The following GALR1 variants were observed in gnomAD, a reference collection of about 807,000 sequenced individuals.
The protein encoded by GALR1 is galanin receptor 1.
GALR1 carries 11 observed loss-of-function variants against 17.9 expected under a neutral mutation model. The observed-to-expected ratio is 0.62, with a 90% CI of 0.39 to 1.02. The LOEUF (loss-of-function observed/expected upper bound fraction) is 1.02. Ranked by LOEUF, GALR1 falls within the 50% of genes least tolerant of loss-of-function variation. The probability of loss-of-function intolerance (pLI) is 0.01; values close to 1 mark genes in which losing one functional copy is unlikely to be tolerated. For missense variants in GALR1, 441 were observed against 456.9 expected (o/e 0.97, Z 0.32); for synonymous variants, 206 against 205.7 (o/e 1.00, Z -0.01).
rs1279740157 is a variant in GALR1 at position 77,250,528 on chromosome 18, G to T, written c.-21G>T. 6.2e-6 allele frequency: 9 copies of T among 1,455,676 alleles called. No homozygotes were observed. In the East Asian group the frequency reaches 1.0e-4, roughly 17 times the overall value. The allele number at this position is 1,455,676 out of a possible 1,614,324, so 90.2% of individuals were successfully genotyped here. On this transcript the variant is annotated 5_prime_UTR_variant, in exon 1 of 3. Transcript: ENST00000299727. ...TCCCTCCCCGCGCGCCCCGCCGCTC[G>T]CCGGGACAGCCCCGCGGGCCATGGA... is the stretch of plus-strand genomic sequence containing the variant.
In GALR1 at chr18:77,269,032, C is replaced by T. The variant is rs987045246; in HGVS notation, c.*130C>T. On this transcript the variant is annotated 3_prime_UTR_variant, in exon 3 of 3. Coordinates refer to ENST00000299727, the MANE Select transcript of GALR1 (RefSeq NM_001480.4). The stretch of plus-strand genomic sequence containing the variant: ...AGAATTCAAGTCGTTTTAATTAAAT[C>T]CCACGTGTGTTAAAAAGTACTTTGA... 7 of 702,556 alleles carry T rather than the reference C, an allele frequency of 1.0e-5. No homozygotes were observed. In the Admixed American group the frequency reaches 1.2e-4, roughly 12 times the overall value. The allele number at this position is 702,556 out of a possible 1,614,324, so 43.5% of individuals were successfully genotyped here.
At chr18:77,252,420 A>G (rs1178607435) in intron 1 of GALR1, among the ~76,000 whole-genome samples, 1 of 152,236 alleles carries the variant, frequency 6.6e-6, no homozygotes, top group Non-Finnish European at 1.5e-5. Flanking sequence ...AGGTAGAACA[A>G]CTATCACTTT....
At chr18:77,262,370 A>G (rs1231303163) in intron 2 of GALR1, among the ~76,000 whole-genome samples, 1 of 152,202 alleles carries the variant, frequency 6.6e-6, no homozygotes, top group Non-Finnish European at 1.5e-5. Context: ...CGAGTTTGAC[A>G]GTGTGGAGCA....
rs1912370942 is a variant in GALR1 at position 77,250,432 on chromosome 18, A to G, written c.-117A>G. ...GGCTCGCGCCTCGGGGGAAGCTCAGACTCCTAAACTCGCACTCTCCGTGCT... is the reference window on the plus strand; with the variant it reads ...GGCTCGCGCCTCGGGGGAAGCTCAGGCTCCTAAACTCGCACTCTCCGTGCT... On this transcript the variant is annotated 5_prime_UTR_variant, in exon 1 of 3. Transcript: ENST00000299727. 1.4e-5 allele frequency: 15 copies of G among 1,098,788 alleles called. No homozygotes were observed. The highest frequency in any genetic ancestry group is 3.7e-5 in the Admixed American group (1 of 26,806). 68.1% of individuals were successfully genotyped at this position (1,098,788 alleles called of 1,614,324 possible).
At position 77,256,264 on chromosome 18, in the gene GALR1, G is replaced by A. The variant is rs143369301; in HGVS notation, c.732+41G>A. The A allele has an allele frequency of 8.7e-5, 100 of 1,153,424 alleles. No individual in the cohort carries two copies. In the African/African-American group the frequency reaches 1.3e-3, roughly 15 times the overall value. 71.4% of individuals were successfully genotyped at this position (1,153,424 alleles called of 1,614,324 possible). A position where few individuals can be genotyped will look rare whatever the true frequency, so the allele number is the denominator to read the frequency against. On this transcript the variant is annotated intron_variant, in intron 2 of 2. Coordinates refer to ENST00000299727, the MANE Select transcript of GALR1 (RefSeq NM_001480.4). ...ATATATATATATGTTACTTTTCAGA[G>A]CTTAGTTTACCTTTGTTTTTTTTAC... is the stretch of plus-strand genomic sequence containing the variant.
chr18:77,260,272 G>A (rs1238431030), intron 2 of GALR1, among the ~76,000 whole-genome samples: 1 of 152,162 alleles, frequency 6.6e-6, no homozygotes, highest in Non-Finnish European at 1.5e-5. Flanking sequence ...TCACAGAGTG[G>A]AAGGTGAAAG....
chr18:77,257,001 A>G (rs1349306136), intron 2 of GALR1, among the ~76,000 whole-genome samples: 1 of 152,258 alleles, frequency 6.6e-6, no homozygotes, highest in African/African-American at 2.4e-5. Flanking sequence ...GTAGGAGGTT[A>G]TAACCAGATA....
intron 2 of GALR1, among the ~76,000 whole-genome samples, chr18:77,268,383 A>G (rs965283029): frequency 1.3e-5 from 2 of 152,222 alleles, no homozygotes; most frequent in Non-Finnish European, 2.9e-5. Context: ...TATGAACAAA[A>G]TTATTATGGG....
In GALR1 at chr18:77,276,286, C is replaced by T. The variant is rs994744427; in HGVS notation, c.*7384C>T. The T allele has an allele frequency of 2.0e-5, 3 of 152,106 alleles. No homozygotes were observed. Among genetic ancestry groups the T allele is most frequent in the East Asian group, 1.9e-4 (1 of 5,192 alleles). 9.4% of individuals were successfully genotyped at this position (152,106 alleles called of 1,614,324 possible). ...AAAGGATAAAATGAACATTAGGATA[C>T]TGAGGGTTTGGTCTGAATTCTGTTT... is the stretch of plus-strand genomic sequence containing the variant. On this transcript the variant is annotated 3_prime_UTR_variant, in exon 3 of 3. Coordinates refer to ENST00000299727, the MANE Select transcript of GALR1 (RefSeq NM_001480.4).
chr18:77,275,411 A>G lies in GALR1; in HGVS notation c.*6509A>G, dbSNP rs1294043761. ...GCATCTGCTCCTCTAAGGAGATTTG[A>G]GCAGGTGAATGGAGTTTCTGTCATT... On this transcript the variant is annotated 3_prime_UTR_variant, in exon 3 of 3. Coordinates refer to ENST00000299727, the MANE Select transcript of GALR1 (RefSeq NM_001480.4). The G allele has an allele frequency of 1.3e-5, 2 of 152,194 alleles. No homozygotes were observed. Among genetic ancestry groups the G allele is most frequent in the Admixed American group, 1.3e-4 (2 of 15,280 alleles). 9.4% of individuals were successfully genotyped at this position (152,194 alleles called of 1,614,324 possible). A position where few individuals can be genotyped will look rare whatever the true frequency, so the allele number is the denominator to read the frequency against.
At chr18:77,261,199 T>A (rs1250037336) in intron 2 of GALR1, among the ~76,000 whole-genome samples, 1 of 152,238 alleles carries the variant, frequency 6.6e-6, no homozygotes, top group South Asian at 2.1e-4. Flanking sequence ...GAAACCATGC[T>A]ATTAAAAGAC....
intron 1 of GALR1, among the ~76,000 whole-genome samples, chr18:77,251,678 G>A (rs900512566): frequency 1.3e-5 from 2 of 152,144 alleles, no homozygotes; most frequent in Non-Finnish European, 2.9e-5. Flanking sequence ...AGCTCTGGTG[G>A]TCACCAGAGC....
rs766387396 is a variant in GALR1, at chr18:77,251,067, C to G, written c.519C>G (p.His173Gln). 21 of 1,609,198 alleles carry G rather than the reference C, an allele frequency of 1.3e-5. No individual in the cohort carries two copies. In the South Asian group the frequency reaches 2.2e-4, roughly 17 times the overall value. ...CCATGGCCTCGCCCGTGGCCTACCA[C>G]CAGGGCCTCTTCCACCCGCGCGCCA... ...SIAMASPVAYHQGLFHPRASN... is the reference protein window; with the variant it reads ...SIAMASPVAYQQGLFHPRASN... The change falls in exon 1 of 3, where the codon CAC becomes CAG. Residue 173 changes from histidine to glutamine, a missense_variant. Transcript: ENST00000299727.
intron 2 of GALR1, among the ~76,000 whole-genome samples, chr18:77,262,218 T>TA (rs796942805): frequency 0.013 from 1,614 of 125,468 alleles, 10 homozygotes; most frequent in Middle Eastern, 0.028. Flanking sequence ...CTATCCGAAT[T>TA]AAAAAAAAAA....
At chr18:77,252,959 T>TCACCACCACCACCACCAC (rs1912488840) in intron 1 of GALR1, among the ~76,000 whole-genome samples, 5 of 26,120 alleles carry the variant, frequency 1.9e-4, no homozygotes, top group Admixed American at 8.5e-4. Flanking sequence ...ATCACCACCA[T>TCACCACCACCACCACCAC]CACCACCACC....
chr18:77,268,043 C>T (rs919778356), intron 2 of GALR1, among the ~76,000 whole-genome samples: 2 of 152,186 alleles, frequency 1.3e-5, no homozygotes, highest in South Asian at 2.1e-4. Context: ...GGGACTAATT[C>T]GGTCCATAGA....
chr18:77,260,497 A>G (rs1912807851), intron 2 of GALR1, among the ~76,000 whole-genome samples: 1 of 152,182 alleles, frequency 6.6e-6, no homozygotes, highest in South Asian at 2.1e-4. Flanking sequence ...ACCATCCAAA[A>G]GCCCCACCTG....
rs1208062496 is a variant in GALR1 at position 77,276,694 on chromosome 18, AAATT to A, written c.*7793_*7796del. 2 of 152,202 alleles carry A rather than the reference AAATT, an allele frequency of 1.3e-5. No homozygotes were observed. Among genetic ancestry groups the A allele is most frequent in the African/African-American group, 4.8e-5 (2 of 41,444 alleles). 9.4% of individuals were successfully genotyped at this position (152,202 alleles called of 1,614,324 possible). On this transcript the variant is annotated 3_prime_UTR_variant, in exon 3 of 3. Transcript: ENST00000299727. ...GTATTTTCAGAGCAGATAACCAATC[AAATT>A]GAGCAGATGGTCTTTTAAAGTCTAA...
At chr18:77,266,508 C>G (rs1361040911) in intron 2 of GALR1, among the ~76,000 whole-genome samples, 1 of 152,194 alleles carries the variant, frequency 6.6e-6, no homozygotes, top group Non-Finnish European at 1.5e-5. Flanking sequence ...AGTATCTTTA[C>G]AGCAGTGCCC....
Sources: allele counts gnomAD v4.1 joint callset (sites outside exome capture counted in the v4.1 genomes callset), GRCh38; gene constraint gnomAD v4.1.1; transcripts MANE v1.5; gene names NCBI Gene and HGNC (gene_info 2026-07-23, HGNC 2026-07-21).